Variants in NEK10 observed in about 807,000 individuals in gnomAD.
NEK10 encodes serine/threonine-protein kinase Nek10.
NEK10 carries 122 observed loss-of-function variants against 159.8 expected under a neutral mutation model. That is an observed-to-expected ratio of 0.76 (90% CI 0.66 to 0.89). The LOEUF (loss-of-function observed/expected upper bound fraction) is 0.89. Among genes scored for constraint, NEK10 ranks in the 40% least tolerant of loss-of-function variants. The probability of loss-of-function intolerance (pLI) is 0.00; values close to 1 mark genes in which losing one functional copy is unlikely to be tolerated. For synonymous variants in NEK10, 466 were observed against 457.1 expected, an observed-to-expected ratio of 1.02 and a Z score of -0.25; for missense variants, 1,342 against 1,323.1, an observed-to-expected ratio of 1.01 and a Z score of -0.22.
chr3:27,208,163 A>T (rs1464677460), intron 23 of NEK10, among the ~76,000 whole-genome samples: 3 of 152,152 alleles, frequency 2.0e-5, no homozygotes, highest in African/African-American at 7.2e-5. Context: ...TCACTATGGT[A>T]CGATAGGAGT....
At chr3:27,174,407 C>T in intron 28 of NEK10, 32 bp downstream of exon 28, 2 of 1,608,194 alleles carry the variant, frequency 1.2e-6, no homozygotes, top group East Asian at 2.2e-5. Context: ...TCCGGAATCC[C>T]ACAAACAGCA....
chr3:27,350,069 C>A (rs996360820), intron 3 of NEK10, among the ~76,000 whole-genome samples: 1 of 152,180 alleles, frequency 6.6e-6, no homozygotes, highest in Non-Finnish European at 1.5e-5. Context: ...AGGTAGATTT[C>A]CTCTGTAACC....
chr3:27,329,430 T>C (rs749068652), intron 5 of NEK10, among the ~76,000 whole-genome samples: 1 of 152,170 alleles, frequency 6.6e-6, no homozygotes, highest in Non-Finnish European at 1.5e-5. Context: ...TGGGGATTGG[T>C]TGATTTTTAG....
intron 23 of NEK10, among the ~76,000 whole-genome samples, chr3:27,247,522 TTTTG>T (rs1287333285): frequency 6.6e-6 from 1 of 152,052 alleles, no homozygotes; most frequent in Non-Finnish European, 1.5e-5. Context: ...TTTGCTAGAA[TTTTG>T]TTTATTTTAT....
chr3:27,146,982 G>A (rs980241207), intron 30 of NEK10, among the ~76,000 whole-genome samples: 4 of 152,188 alleles, frequency 2.6e-5, no homozygotes, highest in Admixed American at 6.5e-5. Context: ...GACCATACAC[G>A]ATGGTGAGAA....
rs192284259 is a variant in NEK10, at chr3:27,126,623, C to T, written c.3081+5257G>A. 3.7e-3 allele frequency among the ~76,000 whole-genome samples: 563 copies of T among 152,200 alleles called. 1 individual carries two copies. The highest frequency in any genetic ancestry group is 0.013 in the African/African-American group (528 of 41,502). On this transcript the variant is annotated intron_variant, in intron 32 of 35. Coordinates refer to ENST00000691995, the MANE Select transcript of NEK10 (RefSeq NM_001394966.1). ...TGGAAGAGCACAATCTCCACCCTTC[C>T]CCAGTCCTACTGAATCAGAATCCAC...
intron 5 of NEK10, among the ~76,000 whole-genome samples, chr3:27,334,282 T>G (rs2046638421): frequency 6.6e-6 from 1 of 152,140 alleles, no homozygotes; most frequent in South Asian, 2.1e-4. Flanking sequence ...AACACCAGCA[T>G]GCATTACTTG....
chr3:27,288,840 T>G (rs2042800232), intron 19 of NEK10, among the ~76,000 whole-genome samples: 2 of 152,328 alleles, frequency 1.3e-5, no homozygotes, highest in South Asian at 4.1e-4. Flanking sequence ...TTGGTCTTTC[T>G]GCACGTCTTT....
At chr3:27,134,604 TAGTTA>T (rs1383080810) in intron 31 of NEK10, among the ~76,000 whole-genome samples, 5 of 152,200 alleles carry the variant, frequency 3.3e-5, no homozygotes, top group Non-Finnish European at 7.3e-5. Flanking sequence ...GAGAAGCCTC[TAGTTA>T]AGTTAGAATT....
At chr3:27,226,902 G>A (rs1214730956) in intron 23 of NEK10, among the ~76,000 whole-genome samples, 1 of 152,048 alleles carries the variant, frequency 6.6e-6, no homozygotes, top group Non-Finnish European at 1.5e-5. Flanking sequence ...TATTACATAT[G>A]TATAGAATAA....
At chr3:27,120,448 G>C (rs902099623) in intron 32 of NEK10, among the ~76,000 whole-genome samples, 1 of 150,542 alleles carries the variant, frequency 6.6e-6, no homozygotes, top group Non-Finnish European at 1.5e-5. Context: ...TCAGCCTCCC[G>C]AGTAGCTGGG....
chr3:27,267,906 T>C (rs1165138127), intron 22 of NEK10, among the ~76,000 whole-genome samples: 1 of 152,234 alleles, frequency 6.6e-6, no homozygotes, highest in Non-Finnish European at 1.5e-5. Context: ...ACAGCCATGT[T>C]GTAATGGAAA....
chr3:27,191,376 A>G (rs1299426786), intron 26 of NEK10, among the ~76,000 whole-genome samples: 1 of 152,224 alleles, frequency 6.6e-6, no homozygotes, highest in Non-Finnish European at 1.5e-5. Context: ...ACAACAGAAC[A>G]CTGATTGTGA....
intron 5 of NEK10, among the ~76,000 whole-genome samples, chr3:27,328,442 T>C (rs2046168663): frequency 1.3e-5 from 2 of 152,216 alleles, no homozygotes; most frequent in Admixed American, 1.3e-4. Context: ...TTTGAGGGAT[T>C]GATCCATATG....
intron 33 of NEK10, among the ~76,000 whole-genome samples, chr3:27,118,941 C>G (rs1052443565): frequency 1.2e-4 from 19 of 152,094 alleles, no homozygotes; most frequent in African/African-American, 4.6e-4. Context: ...AAAGAGATGG[C>G]AAGTCTTCAT....
intron 22 of NEK10, among the ~76,000 whole-genome samples, chr3:27,256,912 CTTTTT>C (rs550014186): frequency 5.8e-4 from 73 of 125,082 alleles, no homozygotes; most frequent in East Asian, 1.1e-3. Context: ...TTTTTTCTCT[CTTTTT>C]TTTTTTTTTT....
chr3:27,340,817 AC>A (rs2047151776), intron 5 of NEK10, among the ~76,000 whole-genome samples: 1 of 152,160 alleles, frequency 6.6e-6, no homozygotes, highest in Non-Finnish European at 1.5e-5. Flanking sequence ...TAAAAATAGA[AC>A]CACATGATCC....
rs1400136332 is a variant in NEK10, at chr3:27,141,508, G to A, written c.2944C>T (p.Leu982=). The change falls in exon 31 of 36, where the codon CTG becomes TTG. Residue 982 remains leucine, a synonymous_variant. Transcript: ENST00000691995. The stretch of plus-strand genomic sequence containing the variant: ...TGTGTGATATAGATTATTTTGTGCA[G>A]CTGAATTAATATCTGCTGAATAGGA... The part of the protein sequence containing the change: ...SDPIQQILIQ[L]HKIIYITQLP... 1 of 1,612,914 alleles carries A rather than the reference G, an allele frequency of 6.2e-7. No homozygotes were observed. The highest frequency in any genetic ancestry group is 1.1e-5 in the South Asian group (1 of 90,880).
intron 26 of NEK10, among the ~76,000 whole-genome samples, chr3:27,183,739 A>G (rs1288086390): frequency 6.6e-6 from 1 of 152,154 alleles, no homozygotes; most frequent in African/African-American, 2.4e-5. Flanking sequence ...CAACAAAAAC[A>G]GACAAGTAAT....
Sources: gnomAD v4.1 joint callset for allele counts (sites outside exome capture counted in the v4.1 genomes callset) on GRCh38, gnomAD v4.1.1 for gene constraint, MANE v1.5 for transcripts, NCBI Gene and HGNC (gene_info 2026-07-23, HGNC 2026-07-21) for gene names.